Variants in PPM1H observed in about 807,000 individuals in gnomAD.
PPM1H encodes protein phosphatase 1H.
Under a neutral mutation model 54.9 loss-of-function variants are expected in PPM1H, and 27 were observed. The ratio of observed to expected loss-of-function variants is 0.49; its 90% CI spans 0.36 to 0.68. PPM1H has a LOEUF of 0.68. PPM1H is among the 30% of genes least tolerant of loss of function. PPM1H has a pLI of 0.00. For synonymous variants in PPM1H, 305 were observed against 270.8 expected (o/e 1.13, Z -1.24); for missense variants, 596 against 667.8 (o/e 0.89, Z 1.19).
At chr12:62,871,746 G>A (rs747054852) in intron 1 of PPM1H, among the ~76,000 whole-genome samples, 24 of 151,956 alleles carry the variant, frequency 1.6e-4, no homozygotes, top group Admixed American at 3.3e-4. Context: ...GAACTCATAA[G>A]CTCAAGCAAT....
chr12:62,792,308 A>T (rs982287692), intron 3 of PPM1H, among the ~76,000 whole-genome samples: 8 of 152,032 alleles, frequency 5.3e-5, no homozygotes, highest in African/African-American at 1.9e-4. Context: ...TAATAGTGTG[A>T]CTCAATATTT....
intron 1 of PPM1H, among the ~76,000 whole-genome samples, chr12:62,926,610 T>C (rs529212376): frequency 6.6e-6 from 1 of 152,176 alleles, no homozygotes; most frequent in African/African-American, 2.4e-5. Context: ...CTTATAAATA[T>C]GAAACATTAT....
chr12:62,871,735 C>G (rs572612456), intron 1 of PPM1H, among the ~76,000 whole-genome samples: 2 of 151,896 alleles, frequency 1.3e-5, no homozygotes, highest in Non-Finnish European at 2.9e-5. Flanking sequence ...AGGCTGGTGT[C>G]GAACTCATAA....
intron 7 of PPM1H, among the ~76,000 whole-genome samples, chr12:62,693,395 T>C (rs914919394): frequency 4.6e-5 from 7 of 152,220 alleles, no homozygotes; most frequent in Non-Finnish European, 1.0e-4. Context: ...CTTTGGACTC[T>C]CTTCCATGGG....
rs751227751 is a variant in PPM1H, at chr12:62,931,768, T to G, written c.245+2724A>C. 2.0e-4 allele frequency among the ~76,000 whole-genome samples: 30 copies of G among 152,338 alleles called. 1 individual carries two copies. Among genetic ancestry groups the G allele is most frequent in the Middle Eastern group, 6.8e-3 (2 of 294 alleles). On this transcript the variant is annotated intron_variant, in intron 1 of 9. Coordinates refer to ENST00000228705, the MANE Select transcript of PPM1H (RefSeq NM_020700.2). ...GATAGTGCCTACCTCATTAGGCTTTTATGAAAATCAGATGATATAAAACAG... is the reference window on the plus strand; with the variant it reads ...GATAGTGCCTACCTCATTAGGCTTTGATGAAAATCAGATGATATAAAACAG...
Position 62,934,474 on chromosome 12 carries a change from C to A in PPM1H, c.245+18G>T. Reference sequence around the variant, plus strand: ...GCCGCGAGGAGAGCAGGGGCGCCGCCGGTGTCGCTGCACTCACTCTGCGTA... The same window carrying A: ...GCCGCGAGGAGAGCAGGGGCGCCGCAGGTGTCGCTGCACTCACTCTGCGTA... On this transcript the variant is annotated intron_variant, in intron 1 of 9. Coordinates refer to ENST00000228705, the MANE Select transcript of PPM1H (RefSeq NM_020700.2). The surrounding 1 kb of genome is among the most constrained non-coding windows in gnomAD (Gnocchi z 4.2). 1 of 1,529,338 alleles carries A rather than the reference C, an allele frequency of 6.5e-7. No homozygotes were observed. Among genetic ancestry groups the A allele is most frequent in the East Asian group, 2.5e-5 (1 of 39,952 alleles). 94.7% of individuals were successfully genotyped at this position (1,529,338 alleles called of 1,614,324 possible). A position where few individuals can be genotyped will look rare whatever the true frequency, so the allele number is the denominator to read the frequency against.
chr12:62,712,268 C>T (rs2076211768), intron 6 of PPM1H, among the ~76,000 whole-genome samples: 1 of 152,232 alleles, frequency 6.6e-6, no homozygotes, highest in African/African-American at 2.4e-5. Context: ...ATGATCCCCC[C>T]TGCCCCTGTC....
chr12:62,748,917 C>A (rs1414152954), intron 4 of PPM1H, among the ~76,000 whole-genome samples: 1 of 152,182 alleles, frequency 6.6e-6, no homozygotes. Context: ...GGTGATTTTA[C>A]AGGCAACTTT....
rs2075772780 is a variant in PPM1H, at chr12:62,644,110, CT to C, written c.*4378del. 6.6e-6 allele frequency: 1 copy of C among 152,160 alleles called. No individual in the cohort carries two copies. The highest frequency in any genetic ancestry group is 6.5e-5 in the Admixed American group (1 of 15,282). 9.4% of individuals were successfully genotyped at this position (152,160 alleles called of 1,614,324 possible). A position where few individuals can be genotyped will look rare whatever the true frequency, so the allele number is the denominator to read the frequency against. On this transcript the variant is annotated 3_prime_UTR_variant, in exon 10 of 10. Transcript: ENST00000228705. ...TTTCAAAACACACAAAATAGATCCC[CT>C]TTACTAAACAGTTTTCATTTTGGGG...
intron 1 of PPM1H, among the ~76,000 whole-genome samples, chr12:62,838,344 G>A (rs1023934865): frequency 6.9e-6 from 1 of 143,986 alleles, no homozygotes; most frequent in African/African-American, 2.5e-5. Context: ...TGTGTGGGGG[G>A]GGGGAGATGA....
In PPM1H at chr12:62,788,284, C is replaced by T; in HGVS notation, c.811G>A (p.Ala271Thr). 6.3e-7 allele frequency: 1 copy of T among 1,597,676 alleles called. No individual in the cohort carries two copies. Among genetic ancestry groups the T allele is most frequent in the Non-Finnish European group, 8.5e-7 (1 of 1,171,688 alleles). The change falls in exon 4 of 10, where the codon GCC becomes ACC. Residue 271 changes from alanine to threonine, a missense_variant. Coordinates refer to ENST00000228705, the MANE Select transcript of PPM1H (RefSeq NM_020700.2). ...CCCAAAAGGCAAATCACAATGAGGGCCGTGCAGCCACCAGATATATTATAT... is the reference window on the plus strand; with the variant it reads ...CCCAAAAGGCAAATCACAATGAGGGTCGTGCAGCCACCAGATATATTATAT... ...SSYNISGGCT[A>T]LIVICLLGKL... is the part of the protein sequence containing the mutation.
At chr12:62,786,792 C>G (rs1241258967) in intron 4 of PPM1H, among the ~76,000 whole-genome samples, 3 of 152,228 alleles carry the variant, frequency 2.0e-5, no homozygotes, top group African/African-American at 7.2e-5. Flanking sequence ...CTTACACATA[C>G]TTCCATTTAC....
chr12:62,679,793 C>T (rs1463424717), intron 8 of PPM1H, among the ~76,000 whole-genome samples: 2 of 152,210 alleles, frequency 1.3e-5, no homozygotes, highest in African/African-American at 4.8e-5. Flanking sequence ...GAGCGCAGGT[C>T]CCCAGTACTT....
intron 5 of PPM1H, among the ~76,000 whole-genome samples, chr12:62,733,566 T>A (rs1253683052): frequency 6.6e-6 from 1 of 152,176 alleles, no homozygotes; most frequent in Non-Finnish European, 1.5e-5. Context: ...CGATACTATT[T>A]TCAAGATTTT....
chr12:62,743,920 T>C (rs1005179757), intron 4 of PPM1H, among the ~76,000 whole-genome samples: 18 of 152,134 alleles, frequency 1.2e-4, no homozygotes, highest in African/African-American at 4.1e-4. Context: ...GTCACTTTCA[T>C]AATGGGAATG....
At chr12:62,756,013 A>C (rs779010186) in intron 4 of PPM1H, 8 of 1,407,510 alleles carry the variant, frequency 5.7e-6, no homozygotes, top group Non-Finnish European at 8.0e-6. Context: ...GAAGGTGGTG[A>C]AGCAGGCGTC....
intron 1 of PPM1H, among the ~76,000 whole-genome samples, chr12:62,866,361 C>T (rs1869775822): frequency 6.6e-6 from 1 of 152,186 alleles, no homozygotes; most frequent in African/African-American, 2.4e-5. Context: ...ACATCCATCC[C>T]TTCAAAAAGT....
At chr12:62,893,631 G>A (rs907582979) in intron 1 of PPM1H, among the ~76,000 whole-genome samples, 5 of 151,750 alleles carry the variant, frequency 3.3e-5, no homozygotes, top group African/African-American at 9.7e-5. Context: ...TAATATGTGT[G>A]TGTGCGGGGG....
intron 5 of PPM1H, among the ~76,000 whole-genome samples, chr12:62,722,699 A>G (rs1028036164): frequency 7.2e-5 from 11 of 152,238 alleles, no homozygotes; most frequent in Admixed American, 5.9e-4. Context: ...AACATTAAAT[A>G]ACTAGAAGAA....
Sources: gnomAD v4.1 joint callset for allele counts (sites outside exome capture counted in the v4.1 genomes callset) on GRCh38, gnomAD v4.1.1 for gene constraint, Gnocchi (gnomAD v3.1) non-coding constraint, MANE v1.5 for transcripts, NCBI Gene and HGNC (gene_info 2026-07-23, HGNC 2026-07-21) for gene names.